The following FNIP1 variants were observed in gnomAD, a reference collection of about 807,000 sequenced individuals.
FNIP1 encodes the protein folliculin interacting protein 1.
In FNIP1, 40 loss-of-function variants were observed where a neutral mutation model predicts 124.5. That is an observed-to-expected ratio of 0.32 (90% confidence interval 0.25 to 0.42). The LOEUF (loss-of-function observed/expected upper bound fraction) is 0.42. FNIP1 is among the 10% of genes least tolerant of loss of function. FNIP1 has a pLI of 1.00. For missense variants in FNIP1, 1,176 were observed against 1,403.7 expected (o/e 0.84, Z 2.59); for synonymous variants, 472 against 470.6 (o/e 1.00, Z -0.04).
intron 11 of FNIP1, among the ~76,000 whole-genome samples, chr5:131,680,631 G>A (rs1238866754): frequency 6.6e-6 from 1 of 152,094 alleles, no homozygotes; most frequent in African/African-American, 2.4e-5. Flanking sequence ...TAGAATTAGA[G>A]AAGAACCAGC....
chr5:131,781,253 A>G (rs1771986836), intron 1 of FNIP1, among the ~76,000 whole-genome samples: 1 of 152,266 alleles, frequency 6.6e-6, no homozygotes, highest in Non-Finnish European at 1.5e-5. Flanking sequence ...CTCCATTAAC[A>G]TAAAATTACA....
rs371257883 is a variant in FNIP1 at position 131,710,814 on chromosome 5, C to T, written c.623-153G>A. On this transcript the variant is annotated intron_variant, in intron 6 of 17. Coordinates refer to ENST00000510461, the MANE Select transcript of FNIP1 (RefSeq NM_133372.3). ...TAAATAAGAATTCAAGCTGTCTTTCCCATTTTTGAAACAGGATGGTGTTTC... is the reference window on the plus strand; with the variant it reads ...TAAATAAGAATTCAAGCTGTCTTTCTCATTTTTGAAACAGGATGGTGTTTC... Among the ~76,000 whole-genome samples the T allele has an allele frequency of 1.3e-4, 20 of 152,096 alleles. 1 individual carries two copies. The highest frequency in any genetic ancestry group is 9.6e-4 in the East Asian group (5 of 5,188).
At chr5:131,716,989 T>TA (rs113246806) in intron 5 of FNIP1, among the ~76,000 whole-genome samples, 25 of 149,366 alleles carry the variant, frequency 1.7e-4, no homozygotes, top group East Asian at 3.9e-4. Flanking sequence ...TATATATATA[T>TA]TTTTTTTTAT....
intron 1 of FNIP1, among the ~76,000 whole-genome samples, chr5:131,763,169 G>T (rs909667045): frequency 6.6e-6 from 1 of 152,110 alleles, no homozygotes; most frequent in African/African-American, 2.4e-5. Flanking sequence ...AAGTATAATT[G>T]GATTGTATGT....
chr5:131,785,293 G>A (rs1034370332), intron 1 of FNIP1, among the ~76,000 whole-genome samples: 1 of 151,430 alleles, frequency 6.6e-6, no homozygotes, highest in African/African-American at 2.4e-5. Context: ...AGTGGCTCAC[G>A]CCTGTAATCC....
At chr5:131,661,220 TTGTGTG>T (rs370206265) in intron 15 of FNIP1, among the ~76,000 whole-genome samples, 59 of 147,740 alleles carry the variant, frequency 4.0e-4, no homozygotes, top group Non-Finnish European at 7.2e-4. Context: ...TGTCTTTGTT[TTGTGTG>T]TGTGTGTGTG....
At chr5:131,681,370 T>C (rs1455793056) in intron 11 of FNIP1, among the ~76,000 whole-genome samples, 3 of 152,152 alleles carry the variant, frequency 2.0e-5, no homozygotes, top group African/African-American at 7.2e-5. Flanking sequence ...AGCCTGATTA[T>C]GCACAGAATT....
intron 1 of FNIP1, among the ~76,000 whole-genome samples, chr5:131,793,467 G>A (rs1185844192): frequency 6.6e-6 from 1 of 152,124 alleles, no homozygotes; most frequent in Non-Finnish European, 1.5e-5. Context: ...TTGAAATGGA[G>A]AAAACAAATT....
At chr5:131,702,558 A>C (rs1768938836) in intron 10 of FNIP1, among the ~76,000 whole-genome samples, 1 of 152,132 alleles carries the variant, frequency 6.6e-6, no homozygotes, top group Non-Finnish European at 1.5e-5. Flanking sequence ...CTATTCTGCT[A>C]TATCCAATTT....
At chr5:131,720,472 C>T (rs1045806442) in intron 3 of FNIP1, among the ~76,000 whole-genome samples, 4 of 151,984 alleles carry the variant, frequency 2.6e-5, no homozygotes, top group African/African-American at 7.3e-5. Context: ...GCACAGGTAA[C>T]AACAGCAAAA....
At chr5:131,777,254 A>G (rs1771841550) in intron 1 of FNIP1, among the ~76,000 whole-genome samples, 1 of 152,088 alleles carries the variant, frequency 6.6e-6, no homozygotes, top group Admixed American at 6.5e-5. Flanking sequence ...TGGAACTTTC[A>G]GTTAACTTTT....
chr5:131,677,839 G>T lies in FNIP1; in HGVS notation c.1383C>A (p.Thr461=), dbSNP rs1185520287. The T allele has an allele frequency of 7.4e-6, 12 of 1,613,868 alleles. No homozygotes were observed. Among genetic ancestry groups the T allele is most frequent in the Non-Finnish European group, 9.3e-6 (11 of 1,179,964 alleles). The change falls in exon 13 of 18, where the codon ACC becomes ACA. Residue 461 remains threonine (T), a synonymous_variant. Transcript: ENST00000510461. ...FLPALITAVL[T]NHLAWVPTVM... is the part of the protein sequence containing the mutation. ...CTGTTGGAACCCAGGCAAGATGATTGGTCAGAACTGCAGTAATGAGAGCTG... is the reference window on the plus strand; with the variant it reads ...CTGTTGGAACCCAGGCAAGATGATTTGTCAGAACTGCAGTAATGAGAGCTG...
At chr5:131,664,786 A>T (rs561719205) in intron 15 of FNIP1, among the ~76,000 whole-genome samples, 1 of 151,630 alleles carries the variant, frequency 6.6e-6, no homozygotes, top group South Asian at 2.1e-4. Flanking sequence ...ATGTAACAAA[A>T]GCAGAATTTA....
At chr5:131,729,000 A>G (rs778310151) in intron 3 of FNIP1, among the ~76,000 whole-genome samples, 1 of 152,096 alleles carries the variant, frequency 6.6e-6, no homozygotes, top group Non-Finnish European at 1.5e-5. Flanking sequence ...TTGCCTGGGT[A>G]TCACCACTGG....
At chr5:131,709,352 G>A (rs902528510) in intron 7 of FNIP1, 80 bp from the exon 8 acceptor site, 6 of 1,192,586 alleles carry the variant, frequency 5.0e-6, no homozygotes, top group East Asian at 2.3e-5. Context: ...AATAGCAAAC[G>A]AAATCATGCT....
intron 1 of FNIP1, 37 bp downstream of exon 1, chr5:131,796,793 C>T (rs1488688153): frequency 6.5e-7 from 1 of 1,541,262 alleles, no homozygotes. Context: ...GCCCACAAGG[C>T]CATCGGCTCC....
At chr5:131,790,478 CAAAAAAAAAAAA>C (rs56699008) in intron 1 of FNIP1, among the ~76,000 whole-genome samples, 28 of 70,558 alleles carry the variant, frequency 4.0e-4, no homozygotes, top group African/African-American at 1.0e-3. Context: ...GAACCTGTCT[CAAAAAAAAAAAA>C]AAAAAAAAAA....
intron 15 of FNIP1, among the ~76,000 whole-genome samples, chr5:131,667,333 C>G (rs552803731): frequency 6.6e-6 from 1 of 152,304 alleles, no homozygotes; most frequent in Admixed American, 6.5e-5. Flanking sequence ...TATTCAAAAG[C>G]TGGGCAAACT....
intron 11 of FNIP1, among the ~76,000 whole-genome samples, chr5:131,697,461 A>G (rs188320386): frequency 6.6e-6 from 1 of 152,216 alleles, no homozygotes; most frequent in Non-Finnish European, 1.5e-5. Context: ...CTATAAATTT[A>G]TTTTTATAGC....
Sources: gnomAD v4.1 joint callset for allele counts (sites outside exome capture counted in the v4.1 genomes callset) on GRCh38, gnomAD v4.1.1 for gene constraint, MANE v1.5 for transcripts, NCBI Gene and HGNC (gene_info 2026-07-23, HGNC 2026-07-21) for gene names.